EPHA6: variants seen among roughly 807,000 people sequenced by gnomAD.
EPHA6 encodes the protein EPH receptor A6.
In EPHA6, 50 loss-of-function variants were observed where a neutral mutation model predicts 112.0. The observed-to-expected ratio is 0.45, with a 90% CI of 0.36 to 0.56. The LOEUF (loss-of-function observed/expected upper bound fraction) is 0.56. Ranked by LOEUF, EPHA6 falls within the 20% of genes least tolerant of loss-of-function variation. The probability of loss-of-function intolerance (pLI) is 0.00; values close to 1 mark genes in which losing one functional copy is unlikely to be tolerated. For missense variants in EPHA6, 1,280 were observed against 1,417.4 expected (o/e 0.90, Z 1.56); for synonymous variants, 529 against 490.7 (o/e 1.08, Z -1.03).
intron 3 of EPHA6, among the ~76,000 whole-genome samples, chr3:96,989,682 C>T (rs937610788): frequency 6.6e-5 from 10 of 151,862 alleles, no homozygotes; most frequent in Admixed American, 6.6e-4. Flanking sequence ...TGGCAGAAGG[C>T]GAAGGGGAAG....
chr3:96,993,361 ATCTT>A (rs1451387969), intron 3 of EPHA6, among the ~76,000 whole-genome samples: 1 of 150,390 alleles, frequency 6.6e-6, no homozygotes, highest in African/African-American at 2.5e-5. Flanking sequence ...CAGTGGCGCG[ATCTT>A]GCCGCACTGC....
intron 6 of EPHA6, among the ~76,000 whole-genome samples, chr3:97,407,641 C>T (rs938086408): frequency 1.3e-5 from 2 of 152,024 alleles, no homozygotes; most frequent in Non-Finnish European, 2.9e-5. Context: ...TTTCATTCTC[C>T]TTTAACTCAA....
intron 10 of EPHA6, among the ~76,000 whole-genome samples, chr3:97,510,420 A>G (rs2107588412): frequency 6.6e-6 from 1 of 152,200 alleles, no homozygotes; most frequent in South Asian, 2.1e-4. Flanking sequence ...TCTGTTTGTT[A>G]GTTTTCCTTC....
At chr3:97,327,581 A>G (rs1240007635) in intron 5 of EPHA6, among the ~76,000 whole-genome samples, 1 of 151,858 alleles carries the variant, frequency 6.6e-6, no homozygotes, top group Admixed American at 6.6e-5. Flanking sequence ...CCAACACTGC[A>G]AAGATCCCCC....
chr3:97,476,955 G>T (rs761937204), intron 8 of EPHA6, among the ~76,000 whole-genome samples: 4 of 151,992 alleles, frequency 2.6e-5, no homozygotes, highest in Non-Finnish European at 5.9e-5. Flanking sequence ...GCCAGCTACA[G>T]TAACAAGGAA....
chr3:96,993,378 C>T (rs1238221259), intron 3 of EPHA6, among the ~76,000 whole-genome samples: 1 of 151,656 alleles, frequency 6.6e-6, no homozygotes, highest in Non-Finnish European at 1.5e-5. Flanking sequence ...CGCACTGCAA[C>T]TTCCGCCTCC....
At chr3:97,416,234 T>C (rs1028935726) in intron 6 of EPHA6, among the ~76,000 whole-genome samples, 1 of 152,114 alleles carries the variant, frequency 6.6e-6, no homozygotes, top group Non-Finnish European at 1.5e-5. Context: ...TATTTTTGTG[T>C]CAACCTGACA....
chr3:96,903,677 G>C (rs1474635753), intron 2 of EPHA6, among the ~76,000 whole-genome samples: 1 of 151,758 alleles, frequency 6.6e-6, no homozygotes, highest in African/African-American at 2.4e-5. Flanking sequence ...GGCAACCTAC[G>C]GAATGGGAGA....
At chr3:97,577,862 G>T (rs955701189) in intron 11 of EPHA6, among the ~76,000 whole-genome samples, 2 of 151,534 alleles carry the variant, frequency 1.3e-5, no homozygotes, top group African/African-American at 4.9e-5. Flanking sequence ...AGTAATATTT[G>T]GGTCTTTGGA....
At chr3:96,937,799 G>T (rs1332523284) in intron 2 of EPHA6, among the ~76,000 whole-genome samples, 1 of 152,064 alleles carries the variant, frequency 6.6e-6, no homozygotes, top group African/African-American at 2.4e-5. Flanking sequence ...GTGTAAGGAA[G>T]GGATCCAGTT....
chr3:97,217,197 CAAGATTTCACAATGTCAGTATGACAGAG>C (rs1470880416), intron 3 of EPHA6, among the ~76,000 whole-genome samples: 2 of 151,996 alleles, frequency 1.3e-5, no homozygotes, highest in East Asian at 3.9e-4. Flanking sequence ...ATCAAGGTAG[CAAGATTTCACAATGTCAGTATGACAGAG>C]AAAAGGGCTT....
intron 2 of EPHA6, among the ~76,000 whole-genome samples, chr3:96,955,246 T>G (rs2041711828): frequency 6.6e-6 from 1 of 152,140 alleles, no homozygotes; most frequent in Non-Finnish European, 1.5e-5. Context: ...CATGGTGCCC[T>G]CCAAAAAGAC....
At chr3:97,322,001 T>G (rs949291926) in intron 5 of EPHA6, among the ~76,000 whole-genome samples, 1 of 152,076 alleles carries the variant, frequency 6.6e-6, no homozygotes, top group Admixed American at 6.6e-5. Context: ...TTCATGTTCA[T>G]GAATCTGGCC....
chr3:97,354,618 C>CA (rs1021877260), intron 5 of EPHA6, among the ~76,000 whole-genome samples: 46 of 151,210 alleles, frequency 3.0e-4, no homozygotes, highest in African/African-American at 1.0e-3. Flanking sequence ...AGAAAATAGC[C>CA]AAAAAAGGGA....
At chr3:97,681,024 A>T (rs995172164) in intron 14 of EPHA6, among the ~76,000 whole-genome samples, 5 of 152,144 alleles carry the variant, frequency 3.3e-5, no homozygotes, top group African/African-American at 1.2e-4. Flanking sequence ...AAATGATAAG[A>T]CATTAGATTT....
intron 2 of EPHA6, among the ~76,000 whole-genome samples, chr3:96,982,990 G>A (rs938465445): frequency 1.3e-5 from 2 of 151,988 alleles, no homozygotes; most frequent in African/African-American, 4.8e-5. Context: ...CACACTGATG[G>A]GTCTTGACTT....
chr3:97,476,741 C>G (rs1005603577), intron 8 of EPHA6, among the ~76,000 whole-genome samples: 1 of 151,646 alleles, frequency 6.6e-6, no homozygotes, highest in Admixed American at 6.6e-5. Context: ...TAGAATTTAC[C>G]GAGGAAAAAA....
chr3:97,156,821 A>C (rs2076298908), intron 3 of EPHA6, among the ~76,000 whole-genome samples: 2 of 152,274 alleles, frequency 1.3e-5, no homozygotes, highest in South Asian at 4.1e-4. Flanking sequence ...CCATTTCAAT[A>C]TAGGTATTCC....
chr3:97,712,254 G>T (rs1011687990), intron 14 of EPHA6, among the ~76,000 whole-genome samples: 12 of 152,268 alleles, frequency 7.9e-5, no homozygotes, highest in African/African-American at 2.6e-4. Flanking sequence ...GGGAGGGTAG[G>T]CTGGGGTAGG....
Sources: allele counts gnomAD v4.1 joint callset (sites outside exome capture counted in the v4.1 genomes callset), GRCh38; gene constraint gnomAD v4.1.1; transcripts MANE v1.5; gene names NCBI Gene and HGNC (gene_info 2026-07-23, HGNC 2026-07-21).